The following ANKRD27 variants were observed in gnomAD, a reference collection of about 807,000 sequenced individuals.
ANKRD27 encodes ankyrin repeat domain 27.
Under a neutral mutation model 129.7 loss-of-function variants are expected in ANKRD27, and 112 were observed. The ratio of observed to expected loss-of-function variants is 0.86; its 90% CI spans 0.74 to 1.01. ANKRD27 has a LOEUF of 1.01. ANKRD27 is among the 50% of genes least tolerant of loss of function. The pLI, the probability that ANKRD27 is intolerant of heterozygous loss-of-function variation, is 0.00. For synonymous variants in ANKRD27, 516 were observed against 511.2 expected, an observed-to-expected ratio of 1.01 and a Z score of -0.13; for missense variants, 1,258 against 1,300.5, an observed-to-expected ratio of 0.97 and a Z score of 0.50.
intron 22 of ANKRD27, among the ~76,000 whole-genome samples, chr19:32,614,903 C>G (rs1228838449): frequency 1.3e-5 from 2 of 152,116 alleles, no homozygotes; most frequent in East Asian, 1.9e-4. Flanking sequence ...TTCTGTACCA[C>G]AGTTTTGCAA....
chr19:32,606,833 T>G (rs1291476944), intron 23 of ANKRD27, among the ~76,000 whole-genome samples: 1 of 150,560 alleles, frequency 6.6e-6, no homozygotes, highest in Non-Finnish European at 1.5e-5. Context: ...CCTGGTGCTG[T>G]GGCTCATCCC....
At chr19:32,610,786 C>T (rs544203163) in intron 22 of ANKRD27, among the ~76,000 whole-genome samples, 24 of 151,930 alleles carry the variant, frequency 1.6e-4, no homozygotes, top group African/African-American at 4.6e-4. Flanking sequence ...AGGGAGACTC[C>T]GTCTCAAAAA....
chr19:32,600,128 A>G (rs1971630122), intron 26 of ANKRD27, 78 bp from the exon 27 acceptor site: 2 of 1,086,376 alleles, frequency 1.8e-6, no homozygotes, highest in African/African-American at 3.2e-5. Context: ...CACAGACACA[A>G]TCTTTCTATT....
chr19:32,650,414 T>G (rs916538432), intron 2 of ANKRD27, among the ~76,000 whole-genome samples: 1 of 151,888 alleles, frequency 6.6e-6, no homozygotes, highest in Non-Finnish European at 1.5e-5. Context: ...TAGCCGGGGG[T>G]GGTGGCGCAC....
intron 2 of ANKRD27, among the ~76,000 whole-genome samples, chr19:32,650,092 A>G (rs1967383844): frequency 1.3e-5 from 2 of 152,132 alleles, no homozygotes; most frequent in Admixed American, 1.3e-4. Flanking sequence ...GCTCCTTCCT[A>G]CAATCGCTGG....
In ANKRD27 at chr19:32,622,489, T is replaced by C. The variant is rs756467425; in HGVS notation, c.1760A>G (p.Asn587Ser). 2 of 1,608,168 alleles carry C rather than the reference T, an allele frequency of 1.2e-6. No individual in the cohort carries two copies. Among genetic ancestry groups the C allele is most frequent in the Non-Finnish European group, 1.7e-6 (2 of 1,177,724 alleles). ...GTTCTGGATCTCGGTGGACGCTCCGTTCTGCAGCAATGTCTCTATGACGCC... is the reference window on the plus strand; with the variant it reads ...GTTCTGGATCTCGGTGGACGCTCCGCTCTGCAGCAATGTCTCTATGACGCC... ...YQGVIETLLQNGASTEIQNRL... is the reference protein window; with the variant it reads ...YQGVIETLLQSGASTEIQNRL... The change falls in exon 18 of 29, where the codon AAC becomes AGC. Residue 587 changes from asparagine (N) to serine (S), a missense_variant. Transcript: ENST00000306065.
intron 2 of ANKRD27, chr19:32,655,444 G>C (rs753172914): frequency 6.6e-6 from 1 of 152,358 alleles, no homozygotes; most frequent in African/African-American, 2.4e-5. Flanking sequence ...GGGGTTCTGT[G>C]GGGCAACCCT....
chr19:32,673,532 C>G, intron 1 of ANKRD27: 1 of 797,144 alleles, frequency 1.3e-6, no homozygotes, highest in Non-Finnish European at 1.5e-6. Flanking sequence ...CCTCTGGCCA[C>G]CTTTGCAGCT....
chr19:32,601,757 C>A (rs952991512), intron 26 of ANKRD27, among the ~76,000 whole-genome samples: 4 of 152,092 alleles, frequency 2.6e-5, no homozygotes, highest in Non-Finnish European at 5.9e-5. Flanking sequence ...GACACCTGAA[C>A]CTTCAAGGTA....
chr19:32,650,733 C>T (rs1445581710), intron 2 of ANKRD27, among the ~76,000 whole-genome samples: 1 of 139,526 alleles, frequency 7.2e-6, no homozygotes, highest in South Asian at 2.2e-4. Context: ...TCCTTCTATT[C>T]TTTTCTTTAC....
At chr19:32,638,266 C>CA (rs1429744539) in intron 12 of ANKRD27, 2 of 152,356 alleles carry the variant, frequency 1.3e-5, no homozygotes, top group Non-Finnish European at 2.9e-5. Flanking sequence ...CAGCCAGACT[C>CA]AGACAGATGT....
chr19:32,647,886 G>C (rs1294727398), intron 3 of ANKRD27, among the ~76,000 whole-genome samples: 2 of 152,226 alleles, frequency 1.3e-5, no homozygotes, highest in Non-Finnish European at 2.9e-5. Flanking sequence ...TAGATAGGGA[G>C]AGCTTTCTTA....
Position 32,598,332 on chromosome 19 carries a change from T to C in ANKRD27, c.2966A>G (p.Gln989Arg), listed in dbSNP as rs1482513049. 1.2e-6 allele frequency: 2 copies of C among 1,614,100 alleles called. No homozygotes were observed. The highest frequency in any genetic ancestry group is 1.7e-6 in the Non-Finnish European group (2 of 1,180,054). ...TTTCTCAGCAGCATGAGATCCACTCTGAGCTGGCAGGTTATTCTGTCTCAG... is the reference window on the plus strand; with the variant it reads ...TTTCTCAGCAGCATGAGATCCACTCCGAGCTGGCAGGTTATTCTGTCTCAG... ...VTLRQNNLPAQSGSHAAEKGN... is the reference protein window; with the variant it reads ...VTLRQNNLPARSGSHAAEKGN... Residue 989 changes from glutamine (Q) to arginine (R), a missense_variant, in exon 29 of 29, where the codon CAG becomes CGG. Transcript: ENST00000306065.
At chr19:32,613,540 C>CT (rs1489109637) in intron 22 of ANKRD27, among the ~76,000 whole-genome samples, 1 of 152,130 alleles carries the variant, frequency 6.6e-6, no homozygotes, top group African/African-American at 2.4e-5. Context: ...TAGCAACAAA[C>CT]TACATGTCCT....
intron 2 of ANKRD27, among the ~76,000 whole-genome samples, chr19:32,652,142 A>G (rs1967429257): frequency 6.6e-6 from 1 of 152,210 alleles, no homozygotes; most frequent in Admixed American, 6.5e-5. Context: ...GTAGCTGTGG[A>G]GTTTTTACTG....
At chr19:32,652,531 C>T (rs1967437754) in intron 2 of ANKRD27, among the ~76,000 whole-genome samples, 1 of 152,070 alleles carries the variant, frequency 6.6e-6, no homozygotes, top group Non-Finnish European at 1.5e-5. Flanking sequence ...GCCGAGATCG[C>T]ACCACTGCAT....
At chr19:32,662,016 T>C (rs1967654261) in intron 1 of ANKRD27, among the ~76,000 whole-genome samples, 2 of 151,936 alleles carry the variant, frequency 1.3e-5, no homozygotes, top group Middle Eastern at 3.2e-3. Context: ...TATTCCCCCA[T>C]CAGAAGATAG....
intron 3 of ANKRD27, among the ~76,000 whole-genome samples, chr19:32,647,130 C>T (rs1035843882): frequency 7.9e-5 from 12 of 151,962 alleles, no homozygotes; most frequent in Admixed American, 2.0e-4. Flanking sequence ...CTGGCCCACA[C>T]GATGCATTTG....
chr19:32,604,476 G>A, intron 24 of ANKRD27, 52 bp from the exon 25 acceptor site: 1 of 1,534,370 alleles, frequency 6.5e-7, no homozygotes, highest in East Asian at 2.3e-5. Flanking sequence ...CGTCAGCATG[G>A]AATCTGGCTG....
Sources: gnomAD v4.1 joint callset for allele counts (sites outside exome capture counted in the v4.1 genomes callset) on GRCh38, gnomAD v4.1.1 for gene constraint, MANE v1.5 for transcripts, NCBI Gene and HGNC (gene_info 2026-07-23, HGNC 2026-07-21) for gene names.